The following SUMF1 variants were observed in gnomAD, a reference collection of about 807,000 sequenced individuals.
SUMF1 encodes sulfatase modifying factor 1, also known as formylglycine-generating enzyme.
A neutral mutation model predicts 47.6 loss-of-function variants in SUMF1; 48 were observed. The observed-to-expected ratio is 1.01, with a 90% CI of 0.80 to 1.28. SUMF1 has a LOEUF of 1.28. Among genes scored for constraint, SUMF1 ranks in the 50% most tolerant of loss-of-function variants. SUMF1 has a pLI of 0.00. For missense variants in SUMF1, 571 were observed against 485.4 expected (o/e 1.18, Z -1.66); for synonymous variants, 230 against 192.1 (o/e 1.20, Z -1.63).
intron 8 of SUMF1, among the ~76,000 whole-genome samples, chr3:4,123,472 T>C (rs185524752): frequency 6.6e-6 from 1 of 152,280 alleles, no homozygotes; most frequent in Admixed American, 6.5e-5. Context: ...TCCACTTTTG[T>C]CCATAGGAAG....
Position 4,376,335 on chromosome 3 carries a change from G to A in SUMF1, c.1009C>T (p.His337Tyr). ...AGTTTAGTGACATGACTTACCCTAT[G>A]GCACATGTAGGATCCACCTTTCTTC... ...RVKKGGSYMC[H>Y]RSYCYRYRCA... The change falls in exon 8 of 9, where the codon CAT becomes TAT. Residue 337 changes from histidine (H) to tyrosine (Y), a missense_variant. Coordinates refer to ENST00000272902, the MANE Select transcript of SUMF1 (RefSeq NM_182760.4). The A allele has an allele frequency of 6.2e-7, 1 of 1,614,114 alleles. No individual in the cohort carries two copies. The highest frequency in any genetic ancestry group is 8.5e-7 in the Non-Finnish European group (1 of 1,179,974).
At chr3:4,280,830 T>C (rs1697513921) in intron 8 of SUMF1, among the ~76,000 whole-genome samples, 1 of 33,820 alleles carries the variant, frequency 3.0e-5, no homozygotes, top group African/African-American at 2.1e-4. Context: ...TGTGTGTGTG[T>C]GTGTGTGTGT....
intron 8 of SUMF1, among the ~76,000 whole-genome samples, chr3:4,106,930 G>A (rs1693172441): frequency 6.6e-6 from 1 of 152,036 alleles, no homozygotes; most frequent in Admixed American, 6.6e-5. Flanking sequence ...AGAACATGAT[G>A]GTTTTAAGAC....
intron 8 of SUMF1, among the ~76,000 whole-genome samples, chr3:4,124,608 G>T (rs1156876935): frequency 5.3e-5 from 8 of 151,512 alleles, no homozygotes; most frequent in Non-Finnish European, 7.4e-5. Context: ...AAAAAAAAGA[G>T]GAAATCAACT....
chr3:4,419,708 C>T (rs148766090), intron 4 of SUMF1, among the ~76,000 whole-genome samples: 3 of 152,230 alleles, frequency 2.0e-5, no homozygotes, highest in African/African-American at 4.8e-5. Context: ...ATAAGACAGA[C>T]GTCTTCTTCC....
At chr3:4,422,645 C>T (rs555274652) in intron 3 of SUMF1, among the ~76,000 whole-genome samples, 60 of 151,962 alleles carry the variant, frequency 3.9e-4, no homozygotes, top group Non-Finnish European at 7.8e-4. Flanking sequence ...GCATTTCTGC[C>T]GACAGTACAT....
At chr3:4,393,738 C>G (rs7640653) in intron 7 of SUMF1, among the ~76,000 whole-genome samples, 1 of 151,984 alleles carries the variant, frequency 6.6e-6, no homozygotes, top group Non-Finnish European at 1.5e-5. Flanking sequence ...TATTCTCACC[C>G]ATTCTTGGCC....
intron 7 of SUMF1, among the ~76,000 whole-genome samples, chr3:4,379,901 C>G (rs1040606585): frequency 6.7e-6 from 1 of 149,522 alleles, no homozygotes; most frequent in Non-Finnish European, 1.5e-5. Context: ...GCAGCCCTAG[C>G]AGATTAATCC....
chr3:4,457,038 G>GTA lies in SUMF1; in HGVS notation c.271-3991_271-3990dup, dbSNP rs1313561547. ...TGTGTACATATATATACGTGTGTGTGTATATATATATACGTGTGTGTATAT... is the reference window on the plus strand; with the variant it reads ...TGTGTACATATATATACGTGTGTGTGTATATATATATATACGTGTGTGTATAT... On this transcript the variant is annotated intron_variant, in intron 1 of 8. Coordinates refer to ENST00000272902, the MANE Select transcript of SUMF1 (RefSeq NM_182760.4). Among the ~76,000 whole-genome samples the GTA allele has an allele frequency of 1.5e-4, 16 of 109,258 alleles. 1 individual carries two copies. Among genetic ancestry groups the GTA allele is most frequent in the East Asian group, 2.7e-4 (1 of 3,710 alleles). 71.7% of individuals were successfully genotyped at this position (109,258 alleles called of 152,430 possible). A position where few individuals can be genotyped will look rare whatever the true frequency, so the allele number is the denominator to read the frequency against.
rs551832394 is a variant in SUMF1 at position 4,166,584 on chromosome 3, G to A, written c.1015-97839C>T. Among the ~76,000 whole-genome samples, 11 of 152,262 alleles carry A rather than the reference G, an allele frequency of 7.2e-5. No homozygotes were observed. In the East Asian group the frequency reaches 1.9e-3, roughly 27 times the overall value. On this transcript the variant is annotated intron_variant and NMD_transcript_variant, in intron 8 of 12. Coordinates refer to the SUMF1 transcript ENST00000448413. ...TAGGAGAAACTAGAAGAGCACCAGAGACAGGAGTGGTTTTTAGAAGCATGA... is the reference window on the plus strand; with the variant it reads ...TAGGAGAAACTAGAAGAGCACCAGAAACAGGAGTGGTTTTTAGAAGCATGA...
chr3:4,439,381 C>T (rs767977400), intron 3 of SUMF1, among the ~76,000 whole-genome samples: 42 of 151,900 alleles, frequency 2.8e-4, no homozygotes, highest in Admixed American at 2.8e-3. Context: ...AAAAATTAGC[C>T]GGGTGTGGTG....
chr3:4,282,167 G>C (rs1697542473), intron 8 of SUMF1, among the ~76,000 whole-genome samples: 1 of 152,114 alleles, frequency 6.6e-6, no homozygotes, highest in Admixed American at 6.6e-5. Context: ...GGAAAAATTA[G>C]AATCAGTAAT....
chr3:4,210,411 A>G (rs1695754188), intron 8 of SUMF1, among the ~76,000 whole-genome samples: 1 of 152,132 alleles, frequency 6.6e-6, no homozygotes, highest in South Asian at 2.1e-4. Flanking sequence ...TACAATAACT[A>G]AGGCAATGTG....
At chr3:4,137,528 G>C (rs1693967455) in intron 8 of SUMF1, among the ~76,000 whole-genome samples, 1 of 152,104 alleles carries the variant, frequency 6.6e-6, no homozygotes, top group Non-Finnish European at 1.5e-5. Flanking sequence ...TGTAAACGAT[G>C]AGTTAATGGG....
At chr3:4,135,549 C>T (rs542689032) in intron 8 of SUMF1, among the ~76,000 whole-genome samples, 4 of 152,076 alleles carry the variant, frequency 2.6e-5, no homozygotes, top group Admixed American at 1.3e-4. Flanking sequence ...AAGCATTCCC[C>T]TTGAAAACTG....
chr3:4,427,395 G>C (rs1303622071), intron 3 of SUMF1, among the ~76,000 whole-genome samples: 2 of 152,120 alleles, frequency 1.3e-5, no homozygotes, highest in Admixed American at 1.3e-4. Context: ...AATAAAACCA[G>C]AGGAGAATTT....
intron 8 of SUMF1, among the ~76,000 whole-genome samples, chr3:4,085,886 A>G (rs1464036797): frequency 6.6e-6 from 1 of 152,134 alleles, no homozygotes; most frequent in Non-Finnish European, 1.5e-5. Context: ...TATTGTTATC[A>G]ATCATTCCTT....
chr3:4,139,202 A>G (rs1177732888), intron 8 of SUMF1, among the ~76,000 whole-genome samples: 1 of 152,086 alleles, frequency 6.6e-6, no homozygotes, highest in Non-Finnish European at 1.5e-5. Flanking sequence ...ATTATTATCC[A>G]GTTCAGCAAA....
intron 8 of SUMF1, among the ~76,000 whole-genome samples, chr3:4,221,708 A>G (rs1304718388): frequency 6.6e-6 from 1 of 152,154 alleles, no homozygotes. Context: ...TGGGACAGAC[A>G]CAGTCTCTGC....
Sources: gnomAD v4.1 joint callset for allele counts (sites outside exome capture counted in the v4.1 genomes callset) on GRCh38, gnomAD v4.1.1 for gene constraint, MANE v1.5 for transcripts, NCBI Gene and HGNC (gene_info 2026-07-23, HGNC 2026-07-21) for gene names.